The following TG variants were observed in gnomAD, a reference collection of about 807,000 sequenced individuals.
TG encodes the protein thyroid hormones.
TG carries 270 observed loss-of-function variants against 324.7 expected under a neutral mutation model. The ratio of observed to expected loss-of-function variants is 0.83; its 90% CI spans 0.75 to 0.92. The LOEUF is 0.92. Ranked by LOEUF, TG falls within the 40% of genes least tolerant of loss-of-function variation. The pLI is 0.00. For missense variants in TG, 3,591 were observed against 3,456.4 expected, an observed-to-expected ratio of 1.04 and a Z score of -0.98; for synonymous variants, 1,401 against 1,327.0, an observed-to-expected ratio of 1.06 and a Z score of -1.21.
At chr8:132,966,728 T>G in intron 30 of TG, 31 bp downstream of exon 30, 3 of 1,613,322 alleles carry the variant, frequency 1.9e-6, no homozygotes, top group Non-Finnish European at 2.5e-6. Context: ...TTCTTCTTCT[T>G]CCAGACACTG....
intron 41 of TG, chr8:133,060,417 A>C: frequency 2.7e-6 from 4 of 1,489,782 alleles, no homozygotes; most frequent in Non-Finnish European, 3.6e-6. Flanking sequence ...ACAGAGAGGG[A>C]AGTTGCTAGC....
At chr8:133,041,489 C>T (rs1034234675) in intron 41 of TG, among the ~76,000 whole-genome samples, 11 of 152,086 alleles carry the variant, frequency 7.2e-5, no homozygotes, top group East Asian at 1.9e-4. Flanking sequence ...GAGATTTAAT[C>T]GGGTGGGAAT....
intron 41 of TG, among the ~76,000 whole-genome samples, chr8:133,056,321 C>T (rs1019733810): frequency 6.6e-6 from 1 of 152,152 alleles, no homozygotes; most frequent in African/African-American, 2.4e-5. Flanking sequence ...GTACCAGCAG[C>T]GAGGTTAGAT....
chr8:133,134,538 C>T, intron 47 of TG, 138 bp from the exon 48 acceptor site: 1 of 793,446 alleles, frequency 1.3e-6, no homozygotes, highest in South Asian at 1.4e-5. Flanking sequence ...GCACCTCAGC[C>T]AGTGGAAAAT....
intron 41 of TG, among the ~76,000 whole-genome samples, chr8:133,032,837 G>A (rs1564092932): frequency 1.3e-5 from 2 of 152,180 alleles, no homozygotes; most frequent in South Asian, 2.1e-4. Flanking sequence ...AGACCACAAA[G>A]CACTTTCAGT....
rs1491099593 is a variant in TG, at chr8:133,039,978, CAT to C, written c.7239+9957_7239+9958del. 4.0e-4 allele frequency: 336 copies of C among 846,776 alleles called. 1 individual carries two copies. The highest frequency in any genetic ancestry group is 2.1e-3 in the African/African-American group (87 of 41,890). 52.5% of individuals were successfully genotyped at this position (846,776 alleles called of 1,614,324 possible). On this transcript the variant is annotated intron_variant, in intron 41 of 47. Transcript: ENST00000220616. ...GCACACACACACACACACACACACA[CAT>C]ACACACACCATACTCACCTGGACAC...
chr8:133,067,415 G>A (rs1843191590), intron 41 of TG, among the ~76,000 whole-genome samples: 1 of 152,184 alleles, frequency 6.6e-6, no homozygotes, highest in South Asian at 2.1e-4. Context: ...GAGAGGACAT[G>A]CAACTCCTAG....
intron 40 of TG, among the ~76,000 whole-genome samples, chr8:133,024,891 C>T (rs1274471425): frequency 1.3e-5 from 2 of 151,242 alleles, no homozygotes; most frequent in South Asian, 4.1e-4. Context: ...GTGTCTTTAT[C>T]GTAGAATGAT....
chr8:132,973,787 TAGG>T (rs1357900116), intron 34 of TG, among the ~76,000 whole-genome samples: 2 of 152,174 alleles, frequency 1.3e-5, no homozygotes, highest in Admixed American at 1.3e-4. Flanking sequence ...TGTGTTCAAC[TAGG>T]AGGAGTCAAA....
At chr8:133,039,952 T>TGC (rs764358273) in intron 41 of TG, 3 of 1,076,626 alleles carry the variant, frequency 2.8e-6, no homozygotes, top group African/African-American at 2.2e-5. Flanking sequence ...AGCACTTGCA[T>TGC]GCACACACAC....
chr8:132,874,627 G>A (rs1839793700), intron 5 of TG, among the ~76,000 whole-genome samples: 1 of 152,210 alleles, frequency 6.6e-6, no homozygotes, highest in Admixed American at 6.5e-5. Flanking sequence ...CTAGCAGCCT[G>A]TGTGCAGAAC....
intron 43 of TG, among the ~76,000 whole-genome samples, chr8:133,101,087 A>G (rs887904887): frequency 6.6e-6 from 1 of 152,048 alleles, no homozygotes; most frequent in Non-Finnish European, 1.5e-5. Context: ...AGGAGTGGGG[A>G]GGGTGGCGGG....
intron 20 of TG, among the ~76,000 whole-genome samples, chr8:132,914,567 A>G (rs908511808): frequency 1.3e-5 from 2 of 152,204 alleles, no homozygotes; most frequent in Non-Finnish European, 2.9e-5. Context: ...AACTCTCACA[A>G]TAGCCCCTGG....
Position 133,096,222 on chromosome 8 carries a change from G to T in TG, c.7421G>T (p.Gly2474Val), listed in dbSNP as rs1224979983. 3 of 1,614,212 alleles carry T rather than the reference G, an allele frequency of 1.9e-6. No homozygotes were observed. The highest frequency in any genetic ancestry group is 1.6e-4 in the Middle Eastern group (1 of 6,062). ...CCAATGCAGCTCCTGGCCGTGAGTGGCCCTTTCCACTACTGGGGTCCTGTG... is the reference window on the plus strand; with the variant it reads ...CCAATGCAGCTCCTGGCCGTGAGTGTCCCTTTCCACTACTGGGGTCCTGTG... Reference protein sequence around the residue: ...DAQTKLLAVSGPFHYWGPVID... With the variant: ...DAQTKLLAVSVPFHYWGPVID... The change falls in exon 43 of 48, where the codon GGC becomes GTC. Residue 2474 changes from glycine (G) to valine (V), a missense_variant. Transcript: ENST00000220616.
At chr8:132,947,886 A>G (rs1273255776) in intron 26 of TG, among the ~76,000 whole-genome samples, 1 of 152,250 alleles carries the variant, frequency 6.6e-6, no homozygotes. Flanking sequence ...AGTTACTTGA[A>G]TGTATCCAGC....
intron 43 of TG, among the ~76,000 whole-genome samples, chr8:133,100,359 T>C (rs940555505): frequency 1.3e-5 from 2 of 152,218 alleles, no homozygotes; most frequent in Non-Finnish European, 2.9e-5. Context: ...TGCCATATTA[T>C]GTATTTGTCT....
chr8:132,958,341 ATCTATCTATCTATCTG>A (rs1208775168), intron 27 of TG, among the ~76,000 whole-genome samples: 5 of 121,676 alleles, frequency 4.1e-5, no homozygotes, highest in Non-Finnish European at 8.5e-5. Flanking sequence ...CATATGGCAT[ATCTATCTATCTATCTG>A]TCTATCTATC....
intron 35 of TG, among the ~76,000 whole-genome samples, chr8:133,006,518 C>T (rs1373335165): frequency 2.0e-5 from 3 of 152,306 alleles, no homozygotes; most frequent in Non-Finnish European, 2.9e-5. Context: ...AGGCTGCCAC[C>T]GTTGGCTGTC....
At chr8:133,013,497 G>A in intron 36 of TG, 103 bp from the exon 37 acceptor site, 1 of 1,387,254 alleles carries the variant, frequency 7.2e-7, no homozygotes, top group Non-Finnish European at 1.0e-6. Context: ...ATGGATGGAT[G>A]GAAGGGTGGA....
Sources: allele counts gnomAD v4.1 joint callset (sites outside exome capture counted in the v4.1 genomes callset), GRCh38; gene constraint gnomAD v4.1.1; transcripts MANE v1.5; gene names NCBI Gene and HGNC (gene_info 2026-07-23, HGNC 2026-07-21).